Variants in PDGFD observed in about 807,000 individuals in gnomAD.
The protein encoded by PDGFD is platelet-derived growth factor D.
PDGFD carries 30 observed loss-of-function variants against 44.7 expected under a neutral mutation model. The observed-to-expected ratio is 0.67, with a 90% CI of 0.50 to 0.91. The LOEUF is 0.91. PDGFD is among the 40% of genes least tolerant of loss of function. PDGFD has a pLI of 0.00. For synonymous variants in PDGFD, 173 were observed against 168.4 expected, an observed-to-expected ratio of 1.03 and a Z score of -0.21; for missense variants, 445 against 457.8, an observed-to-expected ratio of 0.97 and a Z score of 0.25.
rs1458133410 is a variant in PDGFD at position 104,046,749 on chromosome 11, T to G, written c.125-46494A>C. Among the ~76,000 whole-genome samples, 3 of 147,268 alleles carry G rather than the reference T, an allele frequency of 2.0e-5. 1 individual carries two copies. Among genetic ancestry groups the G allele is most frequent in the Non-Finnish European group, 4.5e-5 (3 of 65,992 alleles). ...ATTCAGGTTAAATTATTATTATTTTTTTATTATTATACTTTAAGTTCTGGG... is the reference window on the plus strand; with the variant it reads ...ATTCAGGTTAAATTATTATTATTTTGTTATTATTATACTTTAAGTTCTGGG... On this transcript the variant is annotated intron_variant, in intron 1 of 6. Coordinates refer to ENST00000393158, the MANE Select transcript of PDGFD (RefSeq NM_025208.5).
chr11:103,952,547 G>C (rs1454650300), intron 3 of PDGFD, among the ~76,000 whole-genome samples: 4 of 152,134 alleles, frequency 2.6e-5, no homozygotes, highest in Non-Finnish European at 4.4e-5. Flanking sequence ...ACCTTATAGA[G>C]ACCATCTGGG....
chr11:104,066,774 G>A (rs1334959829), intron 1 of PDGFD, among the ~76,000 whole-genome samples: 1 of 152,122 alleles, frequency 6.6e-6, no homozygotes, highest in African/African-American at 2.4e-5. Context: ...ATTGATCCCA[G>A]CTGGCACTGG....
chr11:104,160,823 G>A (rs574762308), intron 1 of PDGFD, among the ~76,000 whole-genome samples: 1 of 152,248 alleles, frequency 6.6e-6, no homozygotes, highest in South Asian at 2.1e-4. Context: ...GAGAGTTCCG[G>A]AAGGCCAGGA....
chr11:103,959,148 T>C (rs1858899388), intron 3 of PDGFD, among the ~76,000 whole-genome samples: 1 of 152,152 alleles, frequency 6.6e-6, no homozygotes, highest in South Asian at 2.1e-4. Flanking sequence ...AAAATATGGG[T>C]ATTTCCTAGT....
chr11:104,140,549 G>C (rs1047917245), intron 1 of PDGFD, among the ~76,000 whole-genome samples: 13 of 151,962 alleles, frequency 8.6e-5, no homozygotes, highest in Non-Finnish European at 1.8e-4. Flanking sequence ...CTAATGGAAA[G>C]AGTCCCCCAA....
intron 5 of PDGFD, among the ~76,000 whole-genome samples, chr11:103,937,546 GT>G (rs907133696): frequency 6.6e-6 from 1 of 150,780 alleles, no homozygotes; most frequent in African/African-American, 2.5e-5. Flanking sequence ...GTTTTGTTTT[GT>G]TTTTTTAATT....
chr11:104,101,829 G>C (rs1000810487), intron 1 of PDGFD, among the ~76,000 whole-genome samples: 2 of 151,918 alleles, frequency 1.3e-5, no homozygotes, highest in African/African-American at 4.9e-5. Context: ...AATGGGGAAA[G>C]GATTTCCTAT....
At chr11:103,919,144 G>A (rs950563971) in intron 6 of PDGFD, among the ~76,000 whole-genome samples, 2 of 152,186 alleles carry the variant, frequency 1.3e-5, no homozygotes, top group African/African-American at 4.8e-5. Flanking sequence ...AGGGAAACTT[G>A]ACGTCTACTA....
chr11:104,034,579 G>A (rs1056913494), intron 1 of PDGFD, among the ~76,000 whole-genome samples: 1 of 151,984 alleles, frequency 6.6e-6, no homozygotes, highest in African/African-American at 2.4e-5. Flanking sequence ...GACTATCTTG[G>A]TTCATAAGTA....
chr11:104,005,826 A>C (rs1242983075), intron 1 of PDGFD, among the ~76,000 whole-genome samples: 1 of 152,224 alleles, frequency 6.6e-6, no homozygotes, highest in Non-Finnish European at 1.5e-5. Context: ...GCACTGTACT[A>C]GCTGTTAAAC....
chr11:103,910,994 G>A (rs750847334), intron 6 of PDGFD, among the ~76,000 whole-genome samples: 4 of 152,240 alleles, frequency 2.6e-5, no homozygotes, highest in Non-Finnish European at 4.4e-5. Flanking sequence ...GGAGCCCACC[G>A]CAGCTCAGCA....
chr11:104,104,111 T>TA (rs1449698014), intron 1 of PDGFD, among the ~76,000 whole-genome samples: 3 of 151,852 alleles, frequency 2.0e-5, no homozygotes, highest in Non-Finnish European at 4.4e-5. Context: ...AAAAAATAAA[T>TA]AAAAATGAAA....
At chr11:104,095,797 C>T (rs1481805670) in intron 1 of PDGFD, among the ~76,000 whole-genome samples, 1 of 152,158 alleles carries the variant, frequency 6.6e-6, no homozygotes, top group Non-Finnish European at 1.5e-5. Flanking sequence ...TATACAGCTC[C>T]AATCCTGAGA....
intron 1 of PDGFD, among the ~76,000 whole-genome samples, chr11:104,057,065 T>C (rs1423422200): frequency 3.3e-5 from 5 of 152,108 alleles, no homozygotes; most frequent in Admixed American, 3.3e-4. Context: ...GAGGCGGAGA[T>C]TGCAGTGAGC....
rs1051716501 is a variant in PDGFD at position 104,111,439 on chromosome 11, G to C, written c.124+52365C>G. 1.5e-4 allele frequency among the ~76,000 whole-genome samples: 22 copies of C among 151,702 alleles called. 1 individual carries two copies. Among genetic ancestry groups the C allele is most frequent in the Middle Eastern group, 3.4e-3 (1 of 292 alleles). ...CACCATGCCTAGGTAAATTTTTTCT[G>C]TAGGGACAGGGTCCTGCCATGTTGC... On this transcript the variant is annotated intron_variant, in intron 1 of 6. Coordinates refer to ENST00000393158, the MANE Select transcript of PDGFD (RefSeq NM_025208.5).
intron 1 of PDGFD, among the ~76,000 whole-genome samples, chr11:104,021,592 T>C (rs1016608173): frequency 6.6e-6 from 1 of 152,188 alleles, no homozygotes; most frequent in Non-Finnish European, 1.5e-5. Context: ...GGTAGCTTGT[T>C]ATGCCAAAGA....
intron 3 of PDGFD, among the ~76,000 whole-genome samples, chr11:103,952,459 G>A (rs999866056): frequency 6.6e-6 from 1 of 152,126 alleles, no homozygotes; most frequent in African/African-American, 2.4e-5. Context: ...TAAAATAAAG[G>A]AGCTGATGTT....
At chr11:104,076,130 TCTC>T (rs1264290583) in intron 1 of PDGFD, among the ~76,000 whole-genome samples, 2 of 152,178 alleles carry the variant, frequency 1.3e-5, no homozygotes, top group Non-Finnish European at 2.9e-5. Context: ...GCTCAGCACT[TCTC>T]CTTCCTGCTG....
intron 1 of PDGFD, among the ~76,000 whole-genome samples, chr11:104,120,754 G>GT (rs935015818): frequency 6.6e-6 from 1 of 151,778 alleles, no homozygotes; most frequent in Non-Finnish European, 1.5e-5. Context: ...AACTCCTTAG[G>GT]TTTTTCCCAC....
Sources: allele counts gnomAD v4.1 joint callset (sites outside exome capture counted in the v4.1 genomes callset), GRCh38; gene constraint gnomAD v4.1.1; transcripts MANE v1.5; gene names NCBI Gene and HGNC (gene_info 2026-07-23, HGNC 2026-07-21).